SAMD4B: variants seen among roughly 807,000 people sequenced by gnomAD.
SAMD4B encodes sterile alpha motif domain containing 4B.
In SAMD4B, 5 loss-of-function variants were observed where a neutral mutation model predicts 74.5. That is an observed-to-expected ratio of 0.07 (90% CI 0.04 to 0.14). The LOEUF (loss-of-function observed/expected upper bound fraction) is 0.14, where lower values mean the gene tolerates loss of function less well. Among genes scored for constraint, SAMD4B ranks in the 10% least tolerant of loss-of-function variants. The pLI, the probability that SAMD4B is intolerant of heterozygous loss-of-function variation, is 1.00. For missense variants in SAMD4B, 608 were observed against 921.8 expected, an observed-to-expected ratio of 0.66 and a Z score of 4.41; for synonymous variants, 373 against 374.9, an observed-to-expected ratio of 1.00 and a Z score of 0.06.
chr19:39,343,409 T>G (rs1247493388), intron 1 of SAMD4B, among the ~76,000 whole-genome samples: 2 of 149,814 alleles, frequency 1.3e-5, no homozygotes. Context: ...AAATAAATCT[T>G]CCTCACAGAC....
At chr19:39,346,468 T>C (rs973380843) in intron 1 of SAMD4B, among the ~76,000 whole-genome samples, 16 of 152,230 alleles carry the variant, frequency 1.1e-4, no homozygotes, top group Non-Finnish European at 1.9e-4. Flanking sequence ...AGCTGCACTT[T>C]AGTGACCTAC....
chr19:39,367,571 C>T (rs1386312215), intron 3 of SAMD4B, among the ~76,000 whole-genome samples: 2 of 143,788 alleles, frequency 1.4e-5, no homozygotes, highest in Non-Finnish European at 1.5e-5. Context: ...TGCAGTGGCG[C>T]GATCTCGGCT....
At chr19:39,367,945 T>C (rs2077065448) in intron 3 of SAMD4B, among the ~76,000 whole-genome samples, 1 of 150,374 alleles carries the variant, frequency 6.7e-6, no homozygotes, top group Admixed American at 6.6e-5. Flanking sequence ...CCGGGCGCAG[T>C]GGCTCACGCC....
At chr19:39,344,113 C>T (rs2075538678) in intron 1 of SAMD4B, among the ~76,000 whole-genome samples, 1 of 151,670 alleles carries the variant, frequency 6.6e-6, no homozygotes, top group Non-Finnish European at 1.5e-5. Flanking sequence ...ATACTTCTGC[C>T]TTACTAAGGG....
rs1568366550 is a variant in SAMD4B, at chr19:39,380,645, C to T, written c.1708C>T (p.Arg570Trp). ...IAGSVGMGVA[R>W]RTQRQFPMPP... ...TGGCTCTGTGGGGATGGGAGTGGCC[C>T]GGCGTACCCAGCGGCAGTTCCCAAT... The change falls in exon 11 of 14, where the codon CGG (arginine) becomes TGG (tryptophan). Residue 570 changes from arginine to tryptophan, a missense_variant. Arg to Trp is a moderately radical substitution (Grantham distance 101). This residue lies in a region of SAMD4B where 167 missense variants were observed against 193.0 expected (regional missense o/e 0.87). Transcript: ENST00000610417. The T allele has an allele frequency of 1.2e-6, 2 of 1,614,092 alleles. No individual in the cohort carries two copies. Among genetic ancestry groups the T allele is most frequent in the Non-Finnish European group, 1.7e-6 (2 of 1,179,994 alleles).
chr19:39,349,748 G>C (rs959917882), intron 1 of SAMD4B: 1 of 152,202 alleles, frequency 6.6e-6, no homozygotes, highest in Non-Finnish European at 1.5e-5. Flanking sequence ...AGGCAGATAG[G>C]ATCCCCTTAT....
At chr19:39,355,909 T>G (rs866121531) in intron 2 of SAMD4B, among the ~76,000 whole-genome samples, 1 of 152,002 alleles carries the variant, frequency 6.6e-6, no homozygotes, top group African/African-American at 2.4e-5. Flanking sequence ...AGGTTTGGAG[T>G]CTTCAGGGGA....
At chr19:39,377,077 C>G (rs1270440290) in intron 7 of SAMD4B, among the ~76,000 whole-genome samples, 1 of 152,204 alleles carries the variant, frequency 6.6e-6, no homozygotes, top group Non-Finnish European at 1.5e-5. Flanking sequence ...ACTGGTCTTT[C>G]TGGTAGAGCA....
At chr19:39,381,664 C>T (rs993882325) in intron 12 of SAMD4B, among the ~76,000 whole-genome samples, 7 of 152,116 alleles carry the variant, frequency 4.6e-5, no homozygotes, top group African/African-American at 1.7e-4. Context: ...GGGCCAAGTG[C>T]GGGCACAGTA....
downstream of SAMD4B, among the ~76,000 whole-genome samples, chr19:39,390,519 T>G (rs759936786): frequency 2.0e-5 from 3 of 152,192 alleles, no homozygotes; most frequent in Non-Finnish European, 4.4e-5. Flanking sequence ...CTCAATCCCT[T>G]TTGCAGGAGA....
Position 39,375,833 on chromosome 19 carries a change from C to G in SAMD4B, c.851C>G (p.Thr284Arg), listed in dbSNP as rs770987343. The part of the protein sequence containing the change: ...SSVASSGSEQ[T>R]EEQGSSRNTF... ...GTGGCCTCCTCTGGCAGTGAGCAGA[C>G]AGAGGAGCAGGGCTCCAGCCGGAAC... is the stretch of plus-strand genomic sequence containing the variant. The change falls in exon 5 of 14, where the codon ACA (threonine) becomes AGA (arginine). Residue 284 changes from threonine (T) to arginine (R), a missense_variant. Transcript: ENST00000610417. This position sits in a 1 kb window ranked among gnomAD's most constrained non-coding sequence, Gnocchi z 4.1. 2 of 1,613,256 alleles carry G rather than the reference C, an allele frequency of 1.2e-6. No homozygotes were observed. The highest frequency in any genetic ancestry group is 1.7e-6 in the Non-Finnish European group (2 of 1,180,012).
rs1325663757 is a variant in SAMD4B at position 39,385,560 on chromosome 19, TC to T, written c.*2037del. ...ATTTCACCCTCCCTACCCACTTCTGTCCCCGGCCCCACTGGCAGAATCAGCT... is the reference window on the plus strand; with the variant it reads ...ATTTCACCCTCCCTACCCACTTCTGTCCCGGCCCCACTGGCAGAATCAGCT... On this transcript the variant is annotated 3_prime_UTR_variant, in exon 14 of 14. Coordinates refer to ENST00000610417, the MANE Select transcript of SAMD4B (RefSeq NM_001384574.2). The T allele has an allele frequency of 3.8e-5, 19 of 496,732 alleles. No homozygotes were observed. Among genetic ancestry groups the T allele is most frequent in the Non-Finnish European group, 6.0e-5 (17 of 285,366 alleles). 30.8% of individuals were successfully genotyped at this position (496,732 alleles called of 1,614,324 possible). A position where few individuals can be genotyped will look rare whatever the true frequency, so the allele number is the denominator to read the frequency against.
At chr19:39,361,050 C>T (rs1042486232) in intron 3 of SAMD4B, among the ~76,000 whole-genome samples, 4 of 152,160 alleles carry the variant, frequency 2.6e-5, no homozygotes, top group African/African-American at 9.7e-5. Flanking sequence ...TCTCGGGCCT[C>T]AGGATCCCCA....
At chr19:39,357,598 T>C (rs371075817) in intron 3 of SAMD4B, among the ~76,000 whole-genome samples, 1 of 152,218 alleles carries the variant, frequency 6.6e-6, no homozygotes, top group East Asian at 1.9e-4. Context: ...TAAGTACTTA[T>C]TAGGCACTCT....
rs1439561308 is a variant in SAMD4B at position 39,385,401 on chromosome 19, A to T, written c.*1874A>T. Reference sequence around the variant, plus strand: ...GGGAGGTGGTGAGGGACACCGTCTCACACACACAGGGAGGCAAGAGCTGCC... The same window carrying T: ...GGGAGGTGGTGAGGGACACCGTCTCTCACACACAGGGAGGCAAGAGCTGCC... On this transcript the variant is annotated 3_prime_UTR_variant, in exon 14 of 14. Coordinates refer to ENST00000610417, the MANE Select transcript of SAMD4B (RefSeq NM_001384574.2). The T allele has an allele frequency of 2.4e-6, 1 of 410,518 alleles. No individual in the cohort carries two copies. The highest frequency in any genetic ancestry group is 4.3e-6 in the Non-Finnish European group (1 of 232,598). 25.4% of individuals were successfully genotyped at this position (410,518 alleles called of 1,614,324 possible).
rs778872862 is a variant in SAMD4B, at chr19:39,376,674, A to G, written c.1018-31A>G. The stretch of plus-strand genomic sequence containing the variant: ...CCAAATATCTCAGCCTCACATCTCT[A>G]GCTTCCTGTCCCCTTCTGCCCTTAT... On this transcript the variant is annotated intron_variant, in intron 6 of 13. Transcript: ENST00000610417. 18 of 1,607,506 alleles carry G rather than the reference A, an allele frequency of 1.1e-5. No individual in the cohort carries two copies. The South Asian group carries it at 1.8e-4, about 16-fold the overall frequency.
In SAMD4B at chr19:39,370,061, G is replaced by T; in HGVS notation, c.603G>T (p.Val201=). 1 of 1,611,674 alleles carries T rather than the reference G, an allele frequency of 6.2e-7. No individual in the cohort carries two copies. The highest frequency in any genetic ancestry group is 8.5e-7 in the Non-Finnish European group (1 of 1,178,926). The change falls in exon 4 of 14, where the codon GTG becomes GTT. Residue 201 remains valine, a synonymous_variant. Transcript: ENST00000610417. ...QDKPPRENGH[V]PFHPSSSVPP... is the part of the protein sequence containing the mutation. Reference sequence around the variant, plus strand: ...AGCCACCCCGGGAAAATGGACACGTGCCCTTCCACCCATCCAGCTCAGTGC... The same window carrying T: ...AGCCACCCCGGGAAAATGGACACGTTCCCTTCCACCCATCCAGCTCAGTGC...
At position 39,380,483 on chromosome 19, in the gene SAMD4B, T is replaced by C. The variant is rs879812284; in HGVS notation, c.1650-104T>C. ...GAGGACAGAATGTGTGATGGAGGTTTATGTTCTCTCCTACAACTTGGGGTT... is the reference window on the plus strand; with the variant it reads ...GAGGACAGAATGTGTGATGGAGGTTCATGTTCTCTCCTACAACTTGGGGTT... On this transcript the variant is annotated intron_variant, in intron 10 of 13. Coordinates refer to ENST00000610417, the MANE Select transcript of SAMD4B (RefSeq NM_001384574.2). The C allele has an allele frequency of 3.5e-5, 42 of 1,208,986 alleles. No individual in the cohort carries two copies. The Middle Eastern group carries it at 1.2e-3, about 34-fold the overall frequency. 74.9% of individuals were successfully genotyped at this position (1,208,986 alleles called of 1,614,324 possible).
intron 1 of SAMD4B, chr19:39,351,905 C>T (rs1052554652): frequency 2.0e-5 from 3 of 152,228 alleles, no homozygotes; most frequent in African/African-American, 7.2e-5. Flanking sequence ...GTTCCTTCTC[C>T]AAGGGGAACC....
Sources: allele counts gnomAD v4.1 joint callset (sites outside exome capture counted in the v4.1 genomes callset), GRCh38; gene constraint gnomAD v4.1.1; regional missense constraint gnomAD v4.1.1; non-coding constraint Gnocchi (gnomAD v3.1); transcripts MANE v1.5; gene names NCBI Gene and HGNC (gene_info 2026-07-23, HGNC 2026-07-21).